CDH7: variants seen among roughly 807,000 people sequenced by gnomAD.
The protein encoded by CDH7 is cadherin-7.
Under a neutral mutation model 71.8 loss-of-function variants are expected in CDH7, and 25 were observed. The observed-to-expected ratio is 0.35, with a 90% CI of 0.25 to 0.49. The LOEUF is 0.49. Ranked by LOEUF, CDH7 falls within the 20% of genes least tolerant of loss-of-function variation. The probability of loss-of-function intolerance (pLI) is 0.99; values close to 1 mark genes in which losing one functional copy is unlikely to be tolerated. For synonymous variants in CDH7, 381 were observed against 363.8 expected (o/e 1.05, Z -0.54); for missense variants, 862 against 974.6 (o/e 0.88, Z 1.54).
rs377534704 is a variant in CDH7, at chr18:65,762,686, G to T, written c.-157G>T. 1.0e-4 allele frequency: 62 copies of T among 612,784 alleles called. No individual in the cohort carries two copies. The East Asian group carries it at 1.2e-3, about 12-fold the overall frequency. 38.0% of individuals were successfully genotyped at this position (612,784 alleles called of 1,614,324 possible). On this transcript the variant is annotated 5_prime_UTR_variant, in exon 2 of 12. Coordinates refer to ENST00000397968, the MANE Select transcript of CDH7 (RefSeq NM_004361.5). ...ATTCTTTGGCGAAGGCTATTCAGCA[G>T]TGGTGACCTCTTCCAATCCAACACT...
chr18:65,810,399 A>C (rs1330986889), intron 3 of CDH7, among the ~76,000 whole-genome samples: 1 of 152,108 alleles, frequency 6.6e-6, no homozygotes, highest in African/African-American at 2.4e-5. Flanking sequence ...ATATTGATTC[A>C]TTGTTCTAAA....
chr18:65,823,388 G>T (rs1912008758), intron 5 of CDH7, among the ~76,000 whole-genome samples: 1 of 151,788 alleles, frequency 6.6e-6, no homozygotes, highest in South Asian at 2.1e-4. Context: ...GAAATGAACT[G>T]CTTTCCTTTT....
In CDH7 at chr18:65,784,720, T is replaced by A. The variant is rs1054700288; in HGVS notation, c.210+21668T>A. Reference sequence around the variant, plus strand: ...AAGTGGTCCTTATATCAGGAATCATTCCACTTCATCTCCGTGTTGAATCCT... The same window carrying A: ...AAGTGGTCCTTATATCAGGAATCATACCACTTCATCTCCGTGTTGAATCCT... On this transcript the variant is annotated intron_variant, in intron 2 of 11. Transcript: ENST00000397968. Among the ~76,000 whole-genome samples, 24 of 152,318 alleles carry A rather than the reference T, an allele frequency of 1.6e-4. No individual in the cohort carries two copies. In the East Asian group the frequency reaches 2.7e-3, roughly 17 times the overall value.
intron 7 of CDH7, among the ~76,000 whole-genome samples, chr18:65,845,228 C>CAT (rs1294519891): frequency 6.7e-6 from 1 of 148,596 alleles, no homozygotes; most frequent in Non-Finnish European, 1.5e-5. Context: ...TACATACACA[C>CAT]ATATATATAG....
chr18:65,764,160 T>G (rs1388065708), intron 2 of CDH7, among the ~76,000 whole-genome samples: 1 of 152,072 alleles, frequency 6.6e-6, no homozygotes, highest in Non-Finnish European at 1.5e-5. Flanking sequence ...GCATGGGTCG[T>G]TTTTTCGTTT....
chr18:65,803,669 A>G (rs1911205627), intron 2 of CDH7: 2 of 152,144 alleles, frequency 1.3e-5, no homozygotes, highest in African/African-American at 2.4e-5. Context: ...AAGACATAAT[A>G]GAAAACTTGT....
intron 2 of CDH7, chr18:65,803,681 T>A (rs190915723): frequency 2.0e-3 from 299 of 152,232 alleles, no homozygotes; most frequent in African/African-American, 7.0e-3. Flanking sequence ...AAAACTTGTT[T>A]ATAATATGTA....
chr18:65,820,379 C>T (rs1000856075), intron 4 of CDH7, among the ~76,000 whole-genome samples: 1 of 151,824 alleles, frequency 6.6e-6, no homozygotes, highest in African/African-American at 2.4e-5. Context: ...CTAGACTTTA[C>T]TAGTTCAGTC....
intron 2 of CDH7, among the ~76,000 whole-genome samples, chr18:65,801,507 G>A (rs142293141): frequency 5.3e-5 from 8 of 152,244 alleles, no homozygotes; most frequent in South Asian, 2.1e-4. Context: ...AAATATTACC[G>A]AATAGCAATG....
rs150162177 is a variant in CDH7 at position 65,768,946 on chromosome 18, T to G, written c.210+5894T>G. ...CTTTCTTCTTTTCTCTCTCCTTTTT[T>G]TTTTCAAATATTTATCGCATACTTA... On this transcript the variant is annotated intron_variant, in intron 2 of 11. Coordinates refer to ENST00000397968, the MANE Select transcript of CDH7 (RefSeq NM_004361.5). 2.1e-4 allele frequency among the ~76,000 whole-genome samples: 32 copies of G among 152,278 alleles called. 1 individual carries two copies. The East Asian group carries it at 6.2e-3, about 29-fold the overall frequency.
chr18:65,751,530 T>C (rs1915877442), intron 1 of CDH7, among the ~76,000 whole-genome samples: 1 of 152,032 alleles, frequency 6.6e-6, no homozygotes, highest in African/African-American at 2.4e-5. Context: ...CTCGGACTGA[T>C]GGGGGCACAA....
At chr18:65,789,730 G>C (rs1910643379) in intron 2 of CDH7, among the ~76,000 whole-genome samples, 1 of 152,104 alleles carries the variant, frequency 6.6e-6, no homozygotes, top group Non-Finnish European at 1.5e-5. Flanking sequence ...ATGTTTAACA[G>C]TTAAGTATGG....
intron 6 of CDH7, among the ~76,000 whole-genome samples, chr18:65,841,366 C>T (rs1912725982): frequency 6.6e-6 from 1 of 152,088 alleles, no homozygotes; most frequent in African/African-American, 2.4e-5. Flanking sequence ...TACTTGAATA[C>T]AGAAATACTT....
intron 3 of CDH7, 62 bp from the exon 4 acceptor site, chr18:65,814,423 A>T: frequency 1.3e-6 from 2 of 1,576,834 alleles, no homozygotes. Context: ...AACATTTTGT[A>T]CGTTTTTTGT....
chr18:65,761,504 G>A (rs1916190636), intron 1 of CDH7, among the ~76,000 whole-genome samples: 1 of 140,464 alleles, frequency 7.1e-6, no homozygotes, highest in African/African-American at 2.7e-5. Context: ...TTGGCTTTAT[G>A]TTCTCAACAC....
intron 4 of CDH7, among the ~76,000 whole-genome samples, chr18:65,818,575 T>C (rs1354296265): frequency 1.3e-5 from 2 of 152,354 alleles, no homozygotes; most frequent in African/African-American, 4.8e-5. Flanking sequence ...CTCATTGATA[T>C]AATGTAAAAC....
At chr18:65,837,615 C>A (rs1347878201) in intron 6 of CDH7, among the ~76,000 whole-genome samples, 2 of 151,790 alleles carry the variant, frequency 1.3e-5, no homozygotes, top group Non-Finnish European at 2.9e-5. Flanking sequence ...ATTAAAAGGG[C>A]AGAAAAAAGA....
intron 2 of CDH7, among the ~76,000 whole-genome samples, chr18:65,792,711 C>T (rs1013027773): frequency 2.6e-5 from 4 of 152,146 alleles, no homozygotes. Flanking sequence ...TTCACTCTAT[C>T]CGTTGTTACC....
intron 2 of CDH7, among the ~76,000 whole-genome samples, chr18:65,772,993 T>C (rs2143810843): frequency 6.6e-6 from 1 of 152,284 alleles, no homozygotes; most frequent in Non-Finnish European, 1.5e-5. Flanking sequence ...TGTCTATGGC[T>C]TCCAATTTAT....
Sources: gnomAD v4.1 joint callset for allele counts (sites outside exome capture counted in the v4.1 genomes callset) on GRCh38, gnomAD v4.1.1 for gene constraint, MANE v1.5 for transcripts, NCBI Gene and HGNC (gene_info 2026-07-23, HGNC 2026-07-21) for gene names.